Variants in KALRN observed in about 807,000 individuals in gnomAD.
KALRN encodes kalirin RhoGEF kinase.
KALRN carries 70 observed loss-of-function variants against 353.7 expected under a neutral mutation model. The ratio of observed to expected loss-of-function variants is 0.20; its 90% CI spans 0.16 to 0.24. KALRN has a LOEUF of 0.24. Among genes scored for constraint, KALRN ranks in the 10% least tolerant of loss-of-function variants. The pLI is 1.00. For missense variants in KALRN, 2,791 were observed against 3,756.7 expected (o/e 0.74, Z 6.72); for synonymous variants, 1,391 against 1,434.8 (o/e 0.97, Z 0.69).
chr3:124,396,257 G>GTT (rs11384257), intron 12 of KALRN, among the ~76,000 whole-genome samples: 4,602 of 152,020 alleles, frequency 0.03, 225 homozygotes, highest in African/African-American at 0.11. Context: ...ATTGGAGAGG[G>GTT]TTTTTTTCAC....
At chr3:124,159,566 C>T (rs2069575753) in intron 1 of KALRN, among the ~76,000 whole-genome samples, 2 of 132,148 alleles carry the variant, frequency 1.5e-5, no homozygotes, top group Non-Finnish European at 3.2e-5. Flanking sequence ...GCCACTGCAC[C>T]TGGCTGGCTT....
intron 33 of KALRN, among the ~76,000 whole-genome samples, chr3:124,502,964 A>G (rs1313809728): frequency 6.6e-6 from 1 of 152,172 alleles, no homozygotes; most frequent in Non-Finnish European, 1.5e-5. Context: ...CTGTGACAGC[A>G]TGTTAGGTTT....
chr3:124,290,111 G>A (rs2076296373), intron 5 of KALRN, among the ~76,000 whole-genome samples: 1 of 152,168 alleles, frequency 6.6e-6, no homozygotes, highest in South Asian at 2.1e-4. Context: ...TTGTCATGCT[G>A]AGACTAGATA....
chr3:124,581,229 C>T (rs749365933), intron 34 of KALRN, among the ~76,000 whole-genome samples: 3 of 152,026 alleles, frequency 2.0e-5, no homozygotes, highest in African/African-American at 4.8e-5. Flanking sequence ...TGGCTCACGC[C>T]TGTAATCCCA....
chr3:124,714,364 G>A (rs147828265), intron 58 of KALRN, among the ~76,000 whole-genome samples: 2 of 152,262 alleles, frequency 1.3e-5, no homozygotes, highest in East Asian at 3.9e-4. Flanking sequence ...CAGAACTTCT[G>A]CCCCTTCAGA....
At chr3:124,046,107 A>G (rs961222900) in intron 1 of KALRN, among the ~76,000 whole-genome samples, 1 of 152,228 alleles carries the variant, frequency 6.6e-6, no homozygotes, top group Non-Finnish European at 1.5e-5. Context: ...AGTTTTATGC[A>G]TGTATATTAT....
chr3:124,556,198 C>T lies in KALRN; in HGVS notation c.4936-6645C>T, dbSNP rs552940478. ...GGGACCATGGTGCTCATTTACACACCATGGGAAACAACTAAACCAAACAGC... is the reference window on the plus strand; with the variant it reads ...GGGACCATGGTGCTCATTTACACACTATGGGAAACAACTAAACCAAACAGC... On this transcript the variant is annotated intron_variant, in intron 33 of 59. Coordinates refer to ENST00000682506, the MANE Select transcript of KALRN (RefSeq NM_001388419.1). Among the ~76,000 whole-genome samples, 4 of 152,214 alleles carry T rather than the reference C, an allele frequency of 2.6e-5. No homozygotes were observed. The East Asian group carries it at 7.7e-4, about 29-fold the overall frequency.
At chr3:124,664,010 C>T (rs957338870) in intron 45 of KALRN, among the ~76,000 whole-genome samples, 1 of 152,098 alleles carries the variant, frequency 6.6e-6, no homozygotes, top group Non-Finnish European at 1.5e-5. Context: ...TTTTCATAGG[C>T]TCTTGGTCTT....
At chr3:124,464,022 G>A (rs565416131) in intron 25 of KALRN, among the ~76,000 whole-genome samples, 3 of 152,202 alleles carry the variant, frequency 2.0e-5, no homozygotes, top group Non-Finnish European at 4.4e-5. Flanking sequence ...ATTTCCAGAT[G>A]TAGAAATATC....
Position 124,465,711 on chromosome 3 carries a change from T to A in KALRN, c.4031+3078T>A, listed in dbSNP as rs1364678290. 2.6e-5 allele frequency among the ~76,000 whole-genome samples: 4 copies of A among 152,322 alleles called. No homozygotes were observed. The East Asian group carries it at 7.7e-4, about 29-fold the overall frequency. On this transcript the variant is annotated intron_variant, in intron 25 of 59. Coordinates refer to ENST00000682506, the MANE Select transcript of KALRN (RefSeq NM_001388419.1). ...TGCTTTTTAACCCCAATTGTTTGTA[T>A]TATTCCAAAGTTGCAATTAAGCATT... is the stretch of plus-strand genomic sequence containing the variant.
intron 14 of KALRN, among the ~76,000 whole-genome samples, chr3:124,422,471 G>T (rs897447620): frequency 6.6e-6 from 1 of 152,100 alleles, no homozygotes; most frequent in Non-Finnish European, 1.5e-5. Flanking sequence ...AGGCTTGTTT[G>T]TGAATATTCT....
At position 124,664,360 on chromosome 3, in the gene KALRN, T is replaced by TGC. The variant is rs1158885022; in HGVS notation, c.6346-2088_6346-2087insCG. On this transcript the variant is annotated intron_variant, in intron 45 of 59. Transcript: ENST00000682506. ...GTGTGTGTGTGTGTGTGTGTGTGTGTGTGTGTGTGTGCGCGCGCGCGCATA... is the reference window on the plus strand; with the variant it reads ...GTGTGTGTGTGTGTGTGTGTGTGTGTGCGTGTGTGTGTGCGCGCGCGCGCATA... Among the ~76,000 whole-genome samples, 139 of 123,894 alleles carry TGC rather than the reference T, an allele frequency of 1.1e-3. No individual in the cohort carries two copies. The South Asian group carries it at 0.011, about 10-fold the overall frequency. 81.3% of individuals were successfully genotyped at this position (123,894 alleles called of 152,430 possible).
At chr3:124,382,345 C>T (rs1185129721) in intron 10 of KALRN, among the ~76,000 whole-genome samples, 1 of 152,140 alleles carries the variant, frequency 6.6e-6, no homozygotes, top group Non-Finnish European at 1.5e-5. Context: ...TTGCTGCCTG[C>T]CCCATCTTAT....
At chr3:124,180,523 A>G (rs2073423287) in intron 1 of KALRN, among the ~76,000 whole-genome samples, 1 of 152,114 alleles carries the variant, frequency 6.6e-6, no homozygotes, top group Non-Finnish European at 1.5e-5. Flanking sequence ...CTTCAGAGAG[A>G]CCCAAGTTGG....
intron 1 of KALRN, among the ~76,000 whole-genome samples, chr3:124,111,399 G>A (rs756005536): frequency 6.6e-6 from 1 of 152,232 alleles, no homozygotes; most frequent in Non-Finnish European, 1.5e-5. Context: ...CAAGTCACTG[G>A]AAGGGGATGC....
chr3:124,239,207 A>G (rs961464610), intron 3 of KALRN, among the ~76,000 whole-genome samples: 6 of 152,210 alleles, frequency 3.9e-5, no homozygotes, highest in African/African-American at 1.4e-4. Flanking sequence ...GAAAGACAGG[A>G]TAGAAAATCC....
chr3:124,189,851 A>G (rs1183795879), intron 1 of KALRN, among the ~76,000 whole-genome samples: 1 of 151,566 alleles, frequency 6.6e-6, no homozygotes, highest in East Asian at 1.9e-4. Flanking sequence ...AGGCAGGAGA[A>G]TCACTTGAAC....
intron 3 of KALRN, among the ~76,000 whole-genome samples, chr3:124,252,935 C>T (rs2071388184): frequency 6.6e-6 from 1 of 152,228 alleles, no homozygotes; most frequent in South Asian, 2.1e-4. Context: ...ATTCAAAACC[C>T]ATTCCTAGAG....
At chr3:124,663,774 A>G (rs936373795) in intron 45 of KALRN, among the ~76,000 whole-genome samples, 28 of 152,180 alleles carry the variant, frequency 1.8e-4, no homozygotes, top group Non-Finnish European at 2.9e-5. Flanking sequence ...CTAAACTAGA[A>G]TGAAATAGAT....
Sources: gnomAD v4.1 joint callset for allele counts (sites outside exome capture counted in the v4.1 genomes callset) on GRCh38, gnomAD v4.1.1 for gene constraint, MANE v1.5 for transcripts, NCBI Gene and HGNC (gene_info 2026-07-23, HGNC 2026-07-21) for gene names.